GNLY: variants seen among roughly 807,000 people sequenced by gnomAD.
The protein encoded by GNLY is granulysin.
GNLY carries 15 observed loss-of-function variants against 18.5 expected under a neutral mutation model. The observed-to-expected ratio is 0.81, with a 90% CI of 0.54 to 1.25. The LOEUF (loss-of-function observed/expected upper bound fraction) is 1.25, where lower values mean the gene tolerates loss of function less well. Ranked by LOEUF, GNLY falls within the 50% of genes most tolerant of loss-of-function variation. GNLY has a pLI of 0.00. For missense variants in GNLY, 178 were observed against 186.9 expected (o/e 0.95, Z 0.28); for synonymous variants, 77 against 74.9 (o/e 1.03, Z -0.14).
chr2:85,698,312 C>T (rs1268307232), intron 4 of GNLY: 3 of 698,158 alleles, frequency 4.3e-6, no homozygotes, highest in South Asian at 3.0e-5. Context: ...TCAGCTGGCA[C>T]TTGCCAATGC....
In GNLY at chr2:85,697,552, C is replaced by G. The variant is rs1391375222; in HGVS notation, c.302C>G (p.Ser101Ter). 6.8e-6 allele frequency: 11 copies of G among 1,613,046 alleles called. No homozygotes were observed. Among genetic ancestry groups the G allele is most frequent in the South Asian group, 3.3e-5 (3 of 91,008 alleles). ...ACCCGGGTGTGTAGGACGGGGAGGTCACGATGGCGCGACGTCTGCAGAAAT... is the reference window on the plus strand; with the variant it reads ...ACCCGGGTGTGTAGGACGGGGAGGTGACGATGGCGCGACGTCTGCAGAAAT... ...AATRVCRTGR[S>*]RWRDVCRNFM... The change falls in exon 4 of 5, where the codon TCA becomes TGA. Residue 101 changes from serine to a stop codon, truncating the protein, a stop_gained. Transcript: ENST00000263863. LOFTEE classifies it high-confidence loss of function.
intron 3 of GNLY, chr2:85,696,538 CTTT>C (rs35724532): frequency 5.5e-5 from 8 of 144,710 alleles, no homozygotes; most frequent in South Asian, 4.3e-4. Flanking sequence ...TTGTCAAACC[CTTT>C]TTTTTTTTTT....
At chr2:85,696,310 C>T in intron 3 of GNLY, 1 of 437,434 alleles carries the variant, frequency 2.3e-6, no homozygotes, top group Non-Finnish European at 4.1e-6. Flanking sequence ...TCAAAGAGGG[C>T]TTGTCCCAGA....
At chr2:85,695,778 C>G (rs571882500) in intron 2 of GNLY, among the ~76,000 whole-genome samples, 180 bp from the exon 3 acceptor site, 47 of 152,248 alleles carry the variant, frequency 3.1e-4, no homozygotes, top group African/African-American at 1.1e-3. Context: ...GCCTCTAAGA[C>G]AAGCAAAAGG....
rs1169293856 is a variant in GNLY at position 85,697,741 on chromosome 2, A to G, written c.427+64A>G. ...TTGGAGACAGCTTCCCCCAGGATATATCAAAGCTGCCTCCTTACTCCCCCA... is the reference window on the plus strand; with the variant it reads ...TTGGAGACAGCTTCCCCCAGGATATGTCAAAGCTGCCTCCTTACTCCCCCA... On this transcript the variant is annotated intron_variant, in intron 4 of 4. Coordinates refer to ENST00000263863, the MANE Select transcript of GNLY (RefSeq NM_006433.5). The G allele has an allele frequency of 5.2e-6, 6 of 1,147,516 alleles. No homozygotes were observed. In the African/African-American group the frequency reaches 7.6e-5, roughly 14 times the overall value. The allele number at this position is 1,147,516 out of a possible 1,614,324, so 71.1% of individuals were successfully genotyped here.
chr2:85,696,384 T>C (rs1558588598), intron 3 of GNLY: 1 of 279,382 alleles, frequency 3.6e-6, no homozygotes, highest in Non-Finnish European at 6.8e-6. Flanking sequence ...GAGAAGCTAG[T>C]TCCCCAAGAG....
intron 3 of GNLY, 49 bp downstream of exon 3, chr2:85,696,105 GC>G: frequency 4.6e-6 from 5 of 1,079,662 alleles, no homozygotes; most frequent in Non-Finnish European, 7.1e-6. Flanking sequence ...CAATGGAGGG[GC>G]CAGCCTGTGA....
At chr2:85,695,749 G>C in intron 2 of GNLY, among the ~76,000 whole-genome samples, 1 of 152,174 alleles carries the variant, frequency 6.6e-6, no homozygotes, top group Non-Finnish European at 1.5e-5. Flanking sequence ...GTGGGAGGCT[G>C]TTTCTGGGGT....
Position 85,695,970 on chromosome 2 carries a change from A to G in GNLY, c.169A>G (p.Thr57Ala). 1 of 1,604,958 alleles carries G rather than the reference A, an allele frequency of 6.2e-7. No individual in the cohort carries two copies. The highest frequency in any genetic ancestry group is 8.5e-7 in the Non-Finnish European group (1 of 1,171,806). ...AQEGPQGDLL[T>A]KTQELGRDYR... The stretch of plus-strand genomic sequence containing the variant: ...TCTTTCCTGACAGGGTGACCTGTTG[A>G]CCAAAACACAGGAGCTGGGCCGTGA... Residue 57 changes from threonine to alanine, a missense_variant, in exon 3 of 5, where the codon ACC becomes GCC. Physicochemically the swap from Thr to Ala is moderately conservative, Grantham distance 58. Coordinates refer to ENST00000263863, the MANE Select transcript of GNLY (RefSeq NM_006433.5).
intron 1 of GNLY, chr2:85,694,839 G>A: frequency 6.6e-7 from 1 of 1,518,130 alleles, no homozygotes; most frequent in Non-Finnish European, 8.8e-7. Context: ...CTAGGATTGT[G>A]CGGGGCTGGT....
At chr2:85,698,353 C>G (rs776448448) in intron 4 of GNLY, 2 of 773,784 alleles carry the variant, frequency 2.6e-6, no homozygotes, top group Non-Finnish European at 4.5e-6. Flanking sequence ...GATCGGGGGT[C>G]CCCACCATTT....
chr2:85,695,271 C>T, intron 1 of GNLY, 49 bp from the exon 2 acceptor site: 2 of 1,344,290 alleles, frequency 1.5e-6, no homozygotes, highest in Non-Finnish European at 1.1e-6. Context: ...AACGGGCTTT[C>T]CCTCTCCTTC....
At chr2:85,697,344 T>C (rs1358082282) in intron 3 of GNLY, 162 bp from the exon 4 acceptor site, 3 of 636,130 alleles carry the variant, frequency 4.7e-6, no homozygotes, top group Non-Finnish European at 5.5e-6. Flanking sequence ...GGACTGGGAG[T>C]AGGGGCTGAG....
intron 3 of GNLY, 153 bp downstream of exon 3, chr2:85,696,209 G>A: frequency 1.7e-6 from 1 of 599,858 alleles, no homozygotes; most frequent in South Asian, 2.0e-5. Flanking sequence ...CCGTGTGTCT[G>A]TGGATGAATT....
At position 85,694,478 on chromosome 2, in the gene GNLY, C is replaced by T; in HGVS notation, c.52+8C>T. 6.2e-7 allele frequency: 1 copy of T among 1,613,590 alleles called. No individual in the cohort carries two copies. The highest frequency in any genetic ancestry group is 8.5e-7 in the Non-Finnish European group (1 of 1,179,544). ...TGCTCCTGGGCAACCCAGGTAAGGC[C>T]TTCCCCTCGGGATCGATCCTGATGG... On this transcript the variant is annotated splice_region_variant and intron_variant, in intron 1 of 4. Coordinates refer to ENST00000263863, the MANE Select transcript of GNLY (RefSeq NM_006433.5).
rs781447795 is a variant in GNLY, at chr2:85,695,326, T to A, written c.59T>A (p.Val20Asp). 1 of 1,606,808 alleles carries A rather than the reference T, an allele frequency of 6.2e-7. No individual in the cohort carries two copies. Among genetic ancestry groups the A allele is most frequent in the South Asian group, 1.1e-5 (1 of 90,920 alleles). ...AAMLLGNPGL[V>D]FSRLSPEYYD... ...GAAGTCTGGTCTTCCTCAGGTCTGG[T>A]CTTCTCTCGTCTGAGCCCTGAGTAC... Residue 20 changes from valine (V) to aspartate (D), a missense_variant, in exon 2 of 5, where the codon GTC becomes GAC. Coordinates refer to ENST00000263863, the MANE Select transcript of GNLY (RefSeq NM_006433.5).
intron 2 of GNLY, among the ~76,000 whole-genome samples, 166 bp downstream of exon 2, chr2:85,695,589 G>A (rs140625169): frequency 9.9e-5 from 15 of 152,284 alleles, no homozygotes; most frequent in African/African-American, 3.6e-4. Flanking sequence ...GGCCAGGAGG[G>A]CTACAGGTAT....
At chr2:85,695,165 C>G (rs1678391575) in intron 1 of GNLY, 155 bp from the exon 2 acceptor site, 3 of 839,474 alleles carry the variant, frequency 3.6e-6, no homozygotes, top group Non-Finnish European at 5.8e-6. Context: ...CAGAGCGGCT[C>G]CAGGGCAAAG....
At chr2:85,697,734 A>G in intron 4 of GNLY, 57 bp downstream of exon 4, 1 of 1,243,704 alleles carries the variant, frequency 8.0e-7, no homozygotes, top group East Asian at 2.4e-5. Flanking sequence ...AGCTTCCCCC[A>G]GGATATATCA....
Sources: gnomAD v4.1 joint callset for allele counts (sites outside exome capture counted in the v4.1 genomes callset) on GRCh38, gnomAD v4.1.1 for gene constraint, MANE v1.5 for transcripts, NCBI Gene and HGNC (gene_info 2026-07-23, HGNC 2026-07-21) for gene names.